KIAA1217: variants seen among roughly 807,000 people sequenced by gnomAD.
KIAA1217 encodes the protein KIAA1217.
Under a neutral mutation model 163.9 loss-of-function variants are expected in KIAA1217, and 88 were observed. The observed-to-expected ratio is 0.54, with a 90% CI of 0.45 to 0.64. The LOEUF (loss-of-function observed/expected upper bound fraction) is 0.64. KIAA1217 is among the 30% of genes least tolerant of loss of function. KIAA1217 has a pLI of 0.00. For synonymous variants in KIAA1217, 903 were observed against 923.1 expected, an observed-to-expected ratio of 0.98 and a Z score of 0.39; for missense variants, 2,372 against 2,475.0, an observed-to-expected ratio of 0.96 and a Z score of 0.88.
At chr10:23,729,979 G>A (rs193118753) in intron 1 of KIAA1217, among the ~76,000 whole-genome samples, 48 of 151,600 alleles carry the variant, frequency 3.2e-4, no homozygotes, top group African/African-American at 1.1e-3. Context: ...TCTGTTCACT[G>A]CAAGCTCCGC....
At chr10:24,433,298 T>TA (rs2059749215) in intron 4 of KIAA1217, 105 bp downstream of exon 4, 1 of 785,644 alleles carries the variant, frequency 1.3e-6, no homozygotes, top group Non-Finnish European at 2.0e-6. Flanking sequence ...ATATTGCATT[T>TA]AGAGTGTTTT....
At chr10:24,038,597 C>T (rs190829841) in intron 2 of KIAA1217, among the ~76,000 whole-genome samples, 1 of 152,286 alleles carries the variant, frequency 6.6e-6, no homozygotes, top group East Asian at 1.9e-4. Context: ...GACCTATCCC[C>T]CTAAGGTGCA....
At position 24,513,247 on chromosome 10, in the gene KIAA1217, T is replaced by C; in HGVS notation, c.2002-12T>C. ...GCAGAGCCCACTGAGGTTGATTTTT[T>C]TGTGTTCACAGCTGCAGAACCAGGA... On this transcript the variant is annotated splice_polypyrimidine_tract_variant and intron_variant, in intron 9 of 20. Transcript: ENST00000376454. The C allele has an allele frequency of 6.2e-7, 1 of 1,612,492 alleles. No individual in the cohort carries two copies. Among genetic ancestry groups the C allele is most frequent in the African/African-American group, 1.3e-5 (1 of 74,988 alleles).
chr10:24,379,622 G>T (rs1374211670), intron 2 of KIAA1217, among the ~76,000 whole-genome samples: 1 of 152,122 alleles, frequency 6.6e-6, no homozygotes, highest in African/African-American at 2.4e-5. Context: ...TGTACTTTTA[G>T]CAAGAAGCTG....
At chr10:24,259,983 G>C (rs2075565753) in intron 2 of KIAA1217, among the ~76,000 whole-genome samples, 1 of 152,166 alleles carries the variant, frequency 6.6e-6, no homozygotes, top group African/African-American at 2.4e-5. Flanking sequence ...GTCTCCCTTT[G>C]CAATTTCCCC....
intron 2 of KIAA1217, among the ~76,000 whole-genome samples, chr10:24,036,896 C>A (rs970325493): frequency 2.6e-5 from 4 of 152,262 alleles, no homozygotes; most frequent in Non-Finnish European, 4.4e-5. Context: ...ACAGGGTAAG[C>A]ACTTAGAATT....
intron 2 of KIAA1217, among the ~76,000 whole-genome samples, chr10:24,238,093 T>C (rs2072529566): frequency 6.6e-6 from 1 of 152,202 alleles, no homozygotes; most frequent in East Asian, 1.9e-4. Context: ...GCACTGAATA[T>C]GTTGCAGTTT....
At chr10:24,266,021 C>T (rs1407625003) in intron 2 of KIAA1217, among the ~76,000 whole-genome samples, 3 of 150,868 alleles carry the variant, frequency 2.0e-5, no homozygotes, top group African/African-American at 4.9e-5. Flanking sequence ...TTGTTTTATA[C>T]AGAACACTGG....
Position 24,199,808 on chromosome 10 carries a change from A to G in KIAA1217, c.-170-19818A>G, listed in dbSNP as rs1262205836. Among the ~76,000 whole-genome samples the G allele has an allele frequency of 2.6e-5, 4 of 152,218 alleles. No individual in the cohort carries two copies. The South Asian group carries it at 8.3e-4, about 32-fold the overall frequency. On this transcript the variant is annotated intron_variant, in intron 2 of 18. Transcript: ENST00000376462. ...GATTTTCATAGATTATGACTGGCTC[A>G]GGTGACAAGAAATAGACATACTAAT...
intron 1 of KIAA1217, among the ~76,000 whole-genome samples, chr10:23,706,974 A>G (rs371199389): frequency 3.3e-5 from 5 of 152,198 alleles, no homozygotes; most frequent in African/African-American, 9.7e-5. Flanking sequence ...TATCCTATGT[A>G]AAGAATGTGT....
rs1177699553 is a variant in KIAA1217, at chr10:23,718,205, CT to C, written c.-321+22973del. ...ATATGTGAATTTCCTCTCTTTTTAC[CT>C]TGCATGTCATCAATAGAAAGTGGGG... On this transcript the variant is annotated intron_variant, in intron 1 of 18. Coordinates refer to the KIAA1217 transcript ENST00000376462. Among the ~76,000 whole-genome samples the C allele has an allele frequency of 2.0e-5, 3 of 152,260 alleles. No homozygotes were observed. The South Asian group carries it at 6.2e-4, about 32-fold the overall frequency.
At chr10:23,948,668 G>T (rs933004188) in intron 1 of KIAA1217, among the ~76,000 whole-genome samples, 4 of 152,044 alleles carry the variant, frequency 2.6e-5, no homozygotes, top group African/African-American at 9.7e-5. Context: ...TTTTAGTTTT[G>T]TTTGGTTTTG....
At chr10:23,773,518 A>T (rs1005725833) in intron 1 of KIAA1217, among the ~76,000 whole-genome samples, 1 of 151,886 alleles carries the variant, frequency 6.6e-6, no homozygotes, top group Non-Finnish European at 1.5e-5. Context: ...TGGTAGCTTG[A>T]TGGGGATGGC....
intron 2 of KIAA1217, among the ~76,000 whole-genome samples, chr10:24,183,298 G>GA (rs1328946621): frequency 2.6e-5 from 4 of 152,084 alleles, no homozygotes; most frequent in African/African-American, 7.2e-5. Flanking sequence ...ACACAAAATG[G>GA]ATGAAGACAC....
chr10:23,844,033 A>C (rs1838908620), intron 1 of KIAA1217, among the ~76,000 whole-genome samples: 1 of 152,186 alleles, frequency 6.6e-6, no homozygotes, highest in Admixed American at 6.6e-5. Flanking sequence ...CATGGGGAAG[A>C]GCAGCTGTAT....
rs530604493 is a variant in KIAA1217 at position 24,177,920 on chromosome 10, G to C, written c.-170-41706G>C. ...GAAGTTCTTGGCTGATTGCAAGAAG[G>C]AGCATCTGTTTGCTGGATCCTTTAT... On this transcript the variant is annotated intron_variant, in intron 2 of 18. Transcript: ENST00000376462. 3.3e-5 allele frequency among the ~76,000 whole-genome samples: 5 copies of C among 152,312 alleles called. No individual in the cohort carries two copies. In the East Asian group the frequency reaches 5.8e-4, roughly 18 times the overall value.
At chr10:24,090,819 C>G (rs920494518) in intron 2 of KIAA1217, among the ~76,000 whole-genome samples, 2 of 151,780 alleles carry the variant, frequency 1.3e-5, no homozygotes, top group Non-Finnish European at 1.5e-5. Context: ...AATCTTATTT[C>G]TAATATGGCA....
chr10:23,998,161 A>G (rs888093376), intron 1 of KIAA1217, among the ~76,000 whole-genome samples: 3 of 152,188 alleles, frequency 2.0e-5, no homozygotes, highest in African/African-American at 7.2e-5. Context: ...AAAAGAAAAA[A>G]AAAGACTTAA....
intron 2 of KIAA1217, among the ~76,000 whole-genome samples, chr10:24,182,438 T>TCACA (rs3222547): frequency 8.3e-4 from 120 of 144,970 alleles, no homozygotes; most frequent in East Asian, 2.6e-3. Context: ...CAAGACTCCA[T>TCACA]CACACACACA....
Sources: gnomAD v4.1 joint callset for allele counts (sites outside exome capture counted in the v4.1 genomes callset) on GRCh38, gnomAD v4.1.1 for gene constraint, MANE v1.5 for transcripts, NCBI Gene and HGNC (gene_info 2026-07-23, HGNC 2026-07-21) for gene names.